The following BRINP3 variants were observed in gnomAD, a reference collection of about 807,000 sequenced individuals.
BRINP3 encodes BMP/retinoic acid-inducible neural-specific protein 3.
Under a neutral mutation model 71.0 loss-of-function variants are expected in BRINP3, and 19 were observed. The observed-to-expected ratio is 0.27, with a 90% confidence interval of 0.19 to 0.39. The LOEUF (loss-of-function observed/expected upper bound fraction) is 0.39, where lower values mean the gene tolerates loss of function less well. BRINP3 is among the 10% of genes least tolerant of loss of function. BRINP3 has a pLI of 1.00. For missense variants in BRINP3, 959 were observed against 940.8 expected (o/e 1.02, Z -0.25); for synonymous variants, 380 against 337.7 (o/e 1.13, Z -1.37).
At chr1:190,355,068 C>T (rs923411602) in intron 2 of BRINP3, among the ~76,000 whole-genome samples, 2 of 151,762 alleles carry the variant, frequency 1.3e-5, no homozygotes, top group African/African-American at 4.8e-5. Context: ...ACTCAGGAAT[C>T]CCTTAAATCA....
intron 2 of BRINP3, among the ~76,000 whole-genome samples, chr1:190,295,699 G>A (rs1419825498): frequency 6.6e-6 from 1 of 151,984 alleles, no homozygotes; most frequent in Non-Finnish European, 1.5e-5. Context: ...TGAGGGCCCT[G>A]CCCTGTGTTG....
Position 190,117,340 on chromosome 1 carries a change from A to G in BRINP3, c.1185-18206T>C, listed in dbSNP as rs559354641. Among the ~76,000 whole-genome samples, 280 of 152,140 alleles carry G rather than the reference A, an allele frequency of 1.8e-3. 1 individual carries two copies. Among genetic ancestry groups the G allele is most frequent in the African/African-American group, 6.5e-3 (271 of 41,568 alleles). ...AAATAATTGTTGAAAACCTGAAAAG[A>G]CACAATGGCTAATATTAAGGAGCCT... On this transcript the variant is annotated intron_variant, in intron 7 of 7. Transcript: ENST00000367462.
At chr1:190,221,509 G>C (rs1012482345) in intron 6 of BRINP3, among the ~76,000 whole-genome samples, 5 of 100,012 alleles carry the variant, frequency 5.0e-5, no homozygotes, top group Non-Finnish European at 8.3e-5. Flanking sequence ...AAGAGAAGAA[G>C]AGACTAAAAC....
At chr1:190,392,627 C>T (rs960793002) in intron 2 of BRINP3, among the ~76,000 whole-genome samples, 10 of 151,554 alleles carry the variant, frequency 6.6e-5, no homozygotes, top group African/African-American at 2.4e-4. Context: ...AAAGATACTC[C>T]CAACTTGTAA....
At chr1:190,109,362 G>T (rs1652470911) in intron 7 of BRINP3, among the ~76,000 whole-genome samples, 1 of 152,040 alleles carries the variant, frequency 6.6e-6, no homozygotes, top group Non-Finnish European at 1.5e-5. Context: ...AGTCATTCTG[G>T]ACATAGTTTA....
At chr1:190,135,472 G>A (rs1275202551) in intron 7 of BRINP3, among the ~76,000 whole-genome samples, 1 of 152,010 alleles carries the variant, frequency 6.6e-6, no homozygotes, top group Non-Finnish European at 1.5e-5. Context: ...ATTTTGGTGT[G>A]TATGCATACA....
At chr1:190,188,492 T>A (rs745727430) in intron 6 of BRINP3, among the ~76,000 whole-genome samples, 29 of 152,188 alleles carry the variant, frequency 1.9e-4, no homozygotes, top group Non-Finnish European at 3.5e-4. Flanking sequence ...AGGCTAGCTG[T>A]GGGATTGTCA....
intron 6 of BRINP3, among the ~76,000 whole-genome samples, chr1:190,215,815 T>A (rs1472993000): frequency 6.6e-6 from 1 of 151,912 alleles, no homozygotes; most frequent in Admixed American, 6.6e-5. Flanking sequence ...TAAAGACATA[T>A]GTTGACAGCA....
chr1:190,145,245 T>TA, intron 7 of BRINP3, among the ~76,000 whole-genome samples: 1 of 152,236 alleles, frequency 6.6e-6, no homozygotes, highest in East Asian at 1.9e-4. Context: ...TCCAATGAAA[T>TA]AAAAAATGGT....
At chr1:190,268,025 G>T (rs966474199) in intron 3 of BRINP3, among the ~76,000 whole-genome samples, 3 of 151,836 alleles carry the variant, frequency 2.0e-5, no homozygotes, top group African/African-American at 7.3e-5. Flanking sequence ...GCAAAATTAT[G>T]ACTAAAACAA....
In BRINP3 at chr1:190,265,017, A is replaced by G. The variant is rs749593695; in HGVS notation, c.466T>C (p.Leu156=). Residue 156 remains leucine, a synonymous_variant, in exon 4 of 8, where the codon TTG becomes CTG. Coordinates refer to ENST00000367462, the MANE Select transcript of BRINP3 (RefSeq NM_199051.3). The stretch of plus-strand genomic sequence containing the variant: ...TCACTTCCTTCAGCTCGTTTGCTCA[A>G]CTTCCGCTTGTCCACAAAAATTGTG... ...SLTIFVDKRK[L]SKRAEGSDST... The G allele has an allele frequency of 8.1e-6, 13 of 1,609,644 alleles. No individual in the cohort carries two copies. The highest frequency in any genetic ancestry group is 1.1e-5 in the South Asian group (1 of 90,506).
intron 2 of BRINP3, among the ~76,000 whole-genome samples, chr1:190,382,325 C>G (rs1226473051): frequency 1.3e-5 from 2 of 152,134 alleles, no homozygotes; most frequent in Non-Finnish European, 2.9e-5. Context: ...TTACATTCCT[C>G]TCCTAATACA....
At chr1:190,412,624 G>A (rs1217895531) in intron 2 of BRINP3, among the ~76,000 whole-genome samples, 1 of 149,810 alleles carries the variant, frequency 6.7e-6, no homozygotes, top group African/African-American at 2.4e-5. Flanking sequence ...CACTACGCCC[G>A]GCTAATTTTT....
intron 6 of BRINP3, among the ~76,000 whole-genome samples, chr1:190,189,191 T>A: frequency 6.6e-6 from 1 of 152,308 alleles, no homozygotes; most frequent in Admixed American, 6.5e-5. Flanking sequence ...TATTCTTTAA[T>A]TTTTGGGACC....
Position 190,435,023 on chromosome 1 carries a change from T to C in BRINP3, c.236+19632A>G, listed in dbSNP as rs1487901166. On this transcript the variant is annotated intron_variant, in intron 2 of 7. Transcript: ENST00000367462. ...TCATGATGTCCTTGATTATTTTAGATGGAGAAAATAGAAAAAAAGTATAGT... is the reference window on the plus strand; with the variant it reads ...TCATGATGTCCTTGATTATTTTAGACGGAGAAAATAGAAAAAAAGTATAGT... 2.0e-5 allele frequency among the ~76,000 whole-genome samples: 3 copies of C among 152,246 alleles called. No homozygotes were observed. The East Asian group carries it at 5.8e-4, about 29-fold the overall frequency.
intron 6 of BRINP3, among the ~76,000 whole-genome samples, chr1:190,170,085 A>G (rs979259299): frequency 3.3e-5 from 5 of 152,138 alleles, no homozygotes; most frequent in African/African-American, 1.2e-4. Flanking sequence ...GGAAAATAAA[A>G]TTATTATTCC....
At chr1:190,402,753 G>T (rs1162501717) in intron 2 of BRINP3, among the ~76,000 whole-genome samples, 1 of 151,866 alleles carries the variant, frequency 6.6e-6, no homozygotes, top group African/African-American at 2.4e-5. Context: ...ATTTATTTGA[G>T]ACAGGTCTCA....
chr1:190,328,534 A>T (rs544341748), intron 2 of BRINP3, among the ~76,000 whole-genome samples: 1 of 152,134 alleles, frequency 6.6e-6, no homozygotes, highest in East Asian at 1.9e-4. Context: ...CAGAAATTGA[A>T]TCATTACCAA....
intron 2 of BRINP3, among the ~76,000 whole-genome samples, chr1:190,290,432 C>T (rs1663771630): frequency 6.6e-6 from 1 of 152,040 alleles, no homozygotes; most frequent in Non-Finnish European, 1.5e-5. Flanking sequence ...AGGGGAAGCA[C>T]ATTGATATAG....
Sources: gnomAD v4.1 joint callset for allele counts (sites outside exome capture counted in the v4.1 genomes callset) on GRCh38, gnomAD v4.1.1 for gene constraint, MANE v1.5 for transcripts, NCBI Gene and HGNC (gene_info 2026-07-23, HGNC 2026-07-21) for gene names.